Variants in TAF4 observed in about 807,000 individuals in gnomAD.
TAF4 encodes TATA-box binding protein associated factor 4.
Under a neutral mutation model 90.3 loss-of-function variants are expected in TAF4, and 9 were observed. The observed-to-expected ratio is 0.10, with a 90% CI of 0.06 to 0.17. The LOEUF (loss-of-function observed/expected upper bound fraction) is 0.17. Ranked by LOEUF, TAF4 falls within the 10% of genes least tolerant of loss-of-function variation. TAF4 has a pLI of 1.00. For synonymous variants in TAF4, 818 were observed against 638.9 expected (o/e 1.28, Z -4.23); for missense variants, 1,351 against 1,370.7 (o/e 0.99, Z 0.23).
intron 1 of TAF4, among the ~76,000 whole-genome samples, chr20:62,050,079 G>A (rs543215133): frequency 6.0e-4 from 92 of 152,220 alleles, no homozygotes; most frequent in Non-Finnish European, 8.4e-4. Flanking sequence ...ACTCACGGAG[G>A]ACACCTGACA....
chr20:62,051,229 C>T (rs760726240), intron 1 of TAF4, among the ~76,000 whole-genome samples: 1 of 152,178 alleles, frequency 6.6e-6, no homozygotes, highest in Admixed American at 6.5e-5. Context: ...AGGGTTCCAG[C>T]GAGGCCCCGG....
chr20:62,003,811 G>C lies in TAF4; in HGVS notation c.2291C>G (p.Pro764Arg). 1.2e-6 allele frequency: 2 copies of C among 1,608,220 alleles called. No individual in the cohort carries two copies. Among genetic ancestry groups the C allele is most frequent in the Non-Finnish European group, 1.7e-6 (2 of 1,178,914 alleles). The change falls in exon 8 of 15, where the codon CCC becomes CGC. Residue 764 changes from proline to arginine, a missense_variant. Physicochemically the swap from Pro to Arg is moderately radical, Grantham distance 103. Around this residue, in one of 9 missense-constraint regions of TAF4, gnomAD observed 202 missense variants for 229.7 expected, o/e 0.88. Coordinates refer to ENST00000252996, the MANE Select transcript of TAF4 (RefSeq NM_003185.4). ...RPPQVTLTQT[P>R]MVALRQPHNR... ...GTGAGGCTGCCGCAGGGCGACCATGGGTGTCTGCGTCAACGTCACCTGCGG... is the reference window on the plus strand; with the variant it reads ...GTGAGGCTGCCGCAGGGCGACCATGCGTGTCTGCGTCAACGTCACCTGCGG...
chr20:61,987,310 A>AGAGGAGACCAAGGAGCC (rs1379391243), intron 14 of TAF4, among the ~76,000 whole-genome samples: 10 of 152,172 alleles, frequency 6.6e-5, no homozygotes, highest in Non-Finnish European at 1.5e-4. Flanking sequence ...ACCACCAAGC[A>AGAGGAGACCAAGGAGCC]GAGGAGACCA....
rs774584930 is a variant in TAF4 at position 62,064,506 on chromosome 20, G to A, written c.1305C>T (p.Arg435=). The change falls in exon 1 of 15, where the codon CGC becomes CGT. Residue 435 remains arginine, a synonymous_variant. Coordinates refer to ENST00000252996, the MANE Select transcript of TAF4 (RefSeq NM_003185.4). ...TCGGGTTCTGAGGCGGCTGCGGCAA[G>A]CGGGGGGCCAGCACGGTGGGCGTCA... is the stretch of plus-strand genomic sequence containing the variant. ...ATLTPTVLAP[R]LPQPPQNPTN... 3.2e-5 allele frequency: 48 copies of A among 1,520,310 alleles called. No individual in the cohort carries two copies. Among genetic ancestry groups the A allele is most frequent in the East Asian group, 1.3e-4 (5 of 38,536 alleles). The allele number at this position is 1,520,310 out of a possible 1,614,324, so 94.2% of individuals were successfully genotyped here.
intron 1 of TAF4, among the ~76,000 whole-genome samples, chr20:62,044,968 G>C (rs2057477): frequency 1 from 152,329 of 152,330 alleles, 76,164 homozygotes; most frequent in Non-Finnish European, 1. Context: ...GGAGCAGTCC[G>C]ACATGGCAAT....
rs60437230 is a variant in TAF4 at position 62,004,328 on chromosome 20, C to CTTTTTTTTTT, written c.2224-460_2224-451dup. 7.9e-3 allele frequency among the ~76,000 whole-genome samples: 928 copies of CTTTTTTTTTT among 117,102 alleles called. 13 individuals are homozygous for CTTTTTTTTTT. Among genetic ancestry groups the CTTTTTTTTTT allele is most frequent in the Non-Finnish European group, 0.01 (587 of 58,382 alleles). The allele number at this position is 117,102 out of a possible 152,430, so 76.8% of individuals were successfully genotyped here. On this transcript the variant is annotated intron_variant, in intron 7 of 14. Transcript: ENST00000252996. Reference sequence around the variant, plus strand: ...TGAATTTTCTTTTTTCTTTTCTTTTCTTTTTTTTTTTTTTTTTGAGACAAG... The same window carrying CTTTTTTTTTT: ...TGAATTTTCTTTTTTCTTTTCTTTTCTTTTTTTTTTTTTTTTTTTTTTTTTTTGAGACAAG...
At chr20:61,979,367 G>T (rs1244051118) in intron 14 of TAF4, 2 of 153,064 alleles carry the variant, frequency 1.3e-5, no homozygotes, top group East Asian at 3.8e-4. Flanking sequence ...AGAAGGGCCT[G>T]TGGGGACCAG....
rs6061948 is a variant in TAF4 at position 62,001,461 on chromosome 20, G to C, written c.2487-740C>G. ...CTTCCAGGCTGACTTCGGCCCCCTC[G>C]TGAGGAGATGTGAGCTAAGAGTCCT... On this transcript the variant is annotated intron_variant, in intron 9 of 14. Coordinates refer to ENST00000252996, the MANE Select transcript of TAF4 (RefSeq NM_003185.4). Among the ~76,000 whole-genome samples the C allele has an allele frequency of 6.2e-3, 945 of 152,342 alleles. 14 individuals are homozygous for C. Among genetic ancestry groups the C allele is most frequent in the African/African-American group, 0.021 (883 of 41,582 alleles).
chr20:62,018,085 G>A (rs1159348448), intron 1 of TAF4, among the ~76,000 whole-genome samples: 1 of 152,232 alleles, frequency 6.6e-6, no homozygotes, highest in African/African-American at 2.4e-5. Context: ...TGTGACTTCA[G>A]GCAGGTACAA....
At chr20:62,004,498 A>T (rs13038667) in intron 7 of TAF4, 96,520 of 144,504 alleles carry the variant, frequency 0.67, 31,558 homozygotes, top group Middle Eastern at 0.79. Context: ...AATTTTTGTA[A>T]TTTTTTTTTT....
intron 14 of TAF4, among the ~76,000 whole-genome samples, chr20:61,978,514 A>C (rs1278178921): frequency 3.4e-5 from 5 of 145,126 alleles, no homozygotes; most frequent in Non-Finnish European, 6.0e-5. Flanking sequence ...CAACCAAGGG[A>C]GGGCGCGAGA....
chr20:61,980,217 T>C (rs887416374), intron 14 of TAF4: 1 of 152,328 alleles, frequency 6.6e-6, no homozygotes, highest in Non-Finnish European at 1.5e-5. Context: ...CCACCGCATA[T>C]GTGCCATAGA....
chr20:62,036,164 C>G (rs2145497769), intron 1 of TAF4, among the ~76,000 whole-genome samples: 1 of 152,212 alleles, frequency 6.6e-6, no homozygotes, highest in African/African-American at 2.4e-5. Flanking sequence ...GCTGGGATTA[C>G]AGGTACCCGC....
chr20:62,040,620 G>A (rs1298215268), intron 1 of TAF4, among the ~76,000 whole-genome samples: 2 of 152,208 alleles, frequency 1.3e-5, no homozygotes, highest in Non-Finnish European at 2.9e-5. Flanking sequence ...CATAAACGGA[G>A]ATTTAAAAAG....
intron 14 of TAF4, among the ~76,000 whole-genome samples, chr20:61,991,072 C>T (rs1417898834): frequency 2.0e-5 from 3 of 151,984 alleles, no homozygotes; most frequent in African/African-American, 2.4e-5. Context: ...CAGCAAATCA[C>T]GCCTTAAGAG....
At chr20:62,019,255 GT>G (rs2055829234) in intron 1 of TAF4, among the ~76,000 whole-genome samples, 1 of 152,204 alleles carries the variant, frequency 6.6e-6, no homozygotes, top group African/African-American at 2.4e-5. Flanking sequence ...GCCACTCAGT[GT>G]GCACCGTGCA....
At chr20:62,019,346 G>A (rs534067506) in intron 1 of TAF4, among the ~76,000 whole-genome samples, 86 of 152,350 alleles carry the variant, frequency 5.6e-4, no homozygotes, top group Non-Finnish European at 1.1e-3. Context: ...CTCCCCGGGC[G>A]CACTTCCCAT....
At chr20:62,004,323 CTTTTCTTTTTTT>C (rs2055729255) in intron 7 of TAF4, among the ~76,000 whole-genome samples, 2 of 114,002 alleles carry the variant, frequency 1.8e-5, no homozygotes, top group African/African-American at 6.0e-5. Flanking sequence ...TTTTTCTTTT[CTTTTCTTTTTTT>C]TTTTTTTTTT....
intron 1 of TAF4, among the ~76,000 whole-genome samples, chr20:62,046,487 G>A (rs2055993989): frequency 6.6e-6 from 1 of 152,222 alleles, no homozygotes; most frequent in African/African-American, 2.4e-5. Flanking sequence ...TGCACCTGCT[G>A]GGGAATTTTG....
Sources: gnomAD v4.1 joint callset for allele counts (sites outside exome capture counted in the v4.1 genomes callset) on GRCh38, gnomAD v4.1.1 for gene constraint, gnomAD v4.1.1 regional missense constraint, MANE v1.5 for transcripts, NCBI Gene and HGNC (gene_info 2026-07-23, HGNC 2026-07-21) for gene names.